The following MMS22L variants were observed in gnomAD, a reference collection of about 807,000 sequenced individuals.
The protein encoded by MMS22L is MMS22 like, DNA repair protein, also known as protein MMS22-like.
MMS22L carries 74 observed loss-of-function variants against 159.1 expected under a neutral mutation model. That is an observed-to-expected ratio of 0.47 (90% CI 0.39 to 0.56). The LOEUF (loss-of-function observed/expected upper bound fraction) is 0.56. Ranked by LOEUF, MMS22L falls within the 20% of genes least tolerant of loss-of-function variation. The pLI, the probability that MMS22L is intolerant of heterozygous loss-of-function variation, is 0.00. For missense variants in MMS22L, 1,351 were observed against 1,422.1 expected, an observed-to-expected ratio of 0.95 and a Z score of 0.80; for synonymous variants, 517 against 506.9, an observed-to-expected ratio of 1.02 and a Z score of -0.27.
In MMS22L at chr6:97,178,551, T is replaced by C. The variant is rs1395172034; in HGVS notation, c.2571A>G (p.Thr857=). 3 of 1,559,700 alleles carry C rather than the reference T, an allele frequency of 1.9e-6. No homozygotes were observed. Among genetic ancestry groups the C allele is most frequent in the Admixed American group, 3.5e-5 (2 of 56,506 alleles). The change falls in exon 18 of 25, where the codon ACA becomes ACG. Residue 857 remains threonine (T), a synonymous_variant. Coordinates refer to ENST00000683635, the MANE Select transcript of MMS22L (RefSeq NM_001350599.2). ...KEYMKQLVKL[T]RLLFNLSEVK... ...CTTCTGAGAGATTAAATAGTAATCT[T>C]GTCAGTTTGACCAACTGTTTCATGT...
At chr6:97,263,227 T>C in intron 9 of MMS22L, 108 bp downstream of exon 9, 1 of 680,092 alleles carries the variant, frequency 1.5e-6, no homozygotes, top group Non-Finnish European at 2.5e-6. Flanking sequence ...GTGGTTATTA[T>C]TGCCTTATTA....
At chr6:97,149,764 G>A in intron 24 of MMS22L, 89 bp downstream of exon 24, 2 of 1,301,848 alleles carry the variant, frequency 1.5e-6, no homozygotes, top group Non-Finnish European at 2.0e-6. Flanking sequence ...CCAAATTTTG[G>A]GGAATAAGAA....
At position 97,268,020 on chromosome 6, in the gene MMS22L, A is replaced by G. The variant is rs1815321377; in HGVS notation, c.698-18T>C. 6.7e-7 allele frequency: 1 copy of G among 1,491,850 alleles called. No individual in the cohort carries two copies. The highest frequency in any genetic ancestry group is 9.0e-7 in the Non-Finnish European group (1 of 1,115,570). 92.4% of individuals were successfully genotyped at this position (1,491,850 alleles called of 1,614,324 possible). ...AACTTGTTCTGAAAATGTAATAAAA[A>G]TAGTTTTAAAATACAGATTTTACTA... On this transcript the variant is annotated intron_variant, in intron 7 of 24. Transcript: ENST00000683635.
chr6:97,270,218 C>T (rs936092401), intron 6 of MMS22L: 4 of 608,420 alleles, frequency 6.6e-6, no homozygotes, highest in Non-Finnish European at 1.2e-5. Context: ...ACAAACCCAC[C>T]TTGGGGCTGC....
intron 19 of MMS22L, among the ~76,000 whole-genome samples, chr6:97,170,274 G>A (rs1270717634): frequency 6.6e-6 from 1 of 152,058 alleles, no homozygotes; most frequent in Non-Finnish European, 1.5e-5. Context: ...AAGACTGTAA[G>A]CTTTAGGAGT....
intron 10 of MMS22L, among the ~76,000 whole-genome samples, chr6:97,247,666 C>T (rs1018784654): frequency 2.0e-5 from 3 of 151,896 alleles, no homozygotes; most frequent in Middle Eastern, 3.4e-3. Context: ...TGTAGTGAGC[C>T]AAGATCATGC....
intron 9 of MMS22L, chr6:97,260,105 T>A (rs1435297019): frequency 6.6e-6 from 1 of 152,200 alleles, no homozygotes; most frequent in African/African-American, 2.4e-5. Context: ...ATTTTTTCCT[T>A]TATGTTTAAA....
intron 9 of MMS22L, chr6:97,260,299 TAC>T (rs1179624293): frequency 5.3e-5 from 8 of 152,314 alleles, no homozygotes; most frequent in South Asian, 2.1e-4. Flanking sequence ...CATTTATATG[TAC>T]AGTTATTTCC....
At position 97,251,258 on chromosome 6, in the gene MMS22L, A is replaced by G. The variant is rs79615971; in HGVS notation, c.1119+3299T>C. Reference sequence around the variant, plus strand: ...AATCCTTAGGAGAAATCTAATATCAAGTTTATCTAAGAGATAAAATAGGGT... The same window carrying G: ...AATCCTTAGGAGAAATCTAATATCAGGTTTATCTAAGAGATAAAATAGGGT... On this transcript the variant is annotated intron_variant, in intron 10 of 24. Coordinates refer to ENST00000683635, the MANE Select transcript of MMS22L (RefSeq NM_001350599.2). Among the ~76,000 whole-genome samples, 789 of 152,304 alleles carry G rather than the reference A, an allele frequency of 5.2e-3. 6 individuals carry two copies. Among genetic ancestry groups the G allele is most frequent in the African/African-American group, 0.018 (735 of 41,560 alleles).
intron 9 of MMS22L, among the ~76,000 whole-genome samples, chr6:97,262,885 A>C (rs1814649239): frequency 6.6e-6 from 1 of 152,192 alleles, no homozygotes; most frequent in African/African-American, 2.4e-5. Flanking sequence ...ACATGACTGA[A>C]AATGAAGTGA....
intron 14 of MMS22L, among the ~76,000 whole-genome samples, chr6:97,200,354 G>T (rs1344782305): frequency 1.3e-5 from 2 of 152,078 alleles, no homozygotes; most frequent in African/African-American, 2.4e-5. Flanking sequence ...AAAGATAGAG[G>T]AGGGGAAAAA....
At chr6:97,246,549 G>T in intron 11 of MMS22L, 79 bp downstream of exon 11, 1 of 1,125,704 alleles carries the variant, frequency 8.9e-7, no homozygotes. Flanking sequence ...CATTTTAACA[G>T]CTTGCTTGGT....
intron 22 of MMS22L, among the ~76,000 whole-genome samples, chr6:97,160,368 G>A (rs1404113527): frequency 1.3e-5 from 2 of 151,970 alleles, no homozygotes; most frequent in Non-Finnish European, 2.9e-5. Context: ...TAGCTTTGCT[G>A]AAAAAAGATT....
At chr6:97,202,103 CT>C (rs922395714) in intron 14 of MMS22L, among the ~76,000 whole-genome samples, 12 of 152,168 alleles carry the variant, frequency 7.9e-5, no homozygotes, top group African/African-American at 2.9e-4. Flanking sequence ...TTGTCTTTTA[CT>C]TAGCACTTAA....
intron 18 of MMS22L, 73 bp downstream of exon 18, chr6:97,178,370 T>C (rs1018330359): frequency 2.7e-5 from 31 of 1,144,506 alleles, no homozygotes; most frequent in Non-Finnish European, 3.7e-5. Flanking sequence ...AGAAAAACTT[T>C]AAGAATACTT....
intron 3 of MMS22L, among the ~76,000 whole-genome samples, chr6:97,279,608 G>A (rs1816567278): frequency 6.6e-6 from 1 of 151,546 alleles, no homozygotes; most frequent in Non-Finnish European, 1.5e-5. Context: ...AGCATGGTGA[G>A]ACCCCATCTC....
intron 14 of MMS22L, among the ~76,000 whole-genome samples, chr6:97,195,338 G>A (rs1278575912): frequency 6.6e-6 from 1 of 152,180 alleles, no homozygotes; most frequent in Non-Finnish European, 1.5e-5. Context: ...TCCAGACCAT[G>A]TAAGATCTTG....
At chr6:97,178,313 T>C (rs1414837305) in intron 18 of MMS22L, 130 bp downstream of exon 18, 2 of 662,024 alleles carry the variant, frequency 3.0e-6, no homozygotes, top group Non-Finnish European at 4.8e-6. Flanking sequence ...AACTTTATAA[T>C]AGCAGGCAAT....
chr6:97,230,018 T>C (rs187814555), intron 13 of MMS22L, among the ~76,000 whole-genome samples: 1 of 152,314 alleles, frequency 6.6e-6, no homozygotes, highest in Admixed American at 6.5e-5. Context: ...TTGACATTCT[T>C]TTCTTTCATC....
Sources: gnomAD v4.1 joint callset for allele counts (sites outside exome capture counted in the v4.1 genomes callset) on GRCh38, gnomAD v4.1.1 for gene constraint, MANE v1.5 for transcripts, NCBI Gene and HGNC (gene_info 2026-07-23, HGNC 2026-07-21) for gene names.